PTTG1IP: variants seen among roughly 807,000 people sequenced by gnomAD.
The protein encoded by PTTG1IP is PTTG1 interacting protein.
Under a neutral mutation model 24.4 loss-of-function variants are expected in PTTG1IP, and 16 were observed. That is an observed-to-expected ratio of 0.66 (90% confidence interval 0.44 to 1.00). PTTG1IP has a LOEUF of 1.00. PTTG1IP is among the 50% of genes least tolerant of loss of function. The pLI is 0.00. For missense variants in PTTG1IP, 241 were observed against 245.8 expected, an observed-to-expected ratio of 0.98 and a Z score of 0.13; for synonymous variants, 89 against 96.8, an observed-to-expected ratio of 0.92 and a Z score of 0.47.
At position 44,851,214 on chromosome 21, in the gene PTTG1IP, G is replaced by A. The variant is rs1045242370; in HGVS notation, c.*367C>T. 2.0e-5 allele frequency: 20 copies of A among 978,364 alleles called. No individual in the cohort carries two copies. Among genetic ancestry groups the A allele is most frequent in the Non-Finnish European group, 2.8e-5 (19 of 687,220 alleles). 60.6% of individuals were successfully genotyped at this position (978,364 alleles called of 1,614,324 possible). On this transcript the variant is annotated 3_prime_UTR_variant, in exon 6 of 6. Transcript: ENST00000330938. Reference sequence around the variant, plus strand: ...TGTGTTGCGTGTGAAGCTTGTTAGTGGACAGAGAGAAACGCAGGGTTCTGC... The same window carrying A: ...TGTGTTGCGTGTGAAGCTTGTTAGTAGACAGAGAGAAACGCAGGGTTCTGC...
At chr21:44,865,151 T>A (rs1048449142) in intron 2 of PTTG1IP, among the ~76,000 whole-genome samples, 1 of 152,210 alleles carries the variant, frequency 6.6e-6, no homozygotes, top group Non-Finnish European at 1.5e-5. Flanking sequence ...GCTGGCCCCA[T>A]CTGCATAGGA....
intron 3 of PTTG1IP, among the ~76,000 whole-genome samples, chr21:44,860,008 G>A (rs1372567653): frequency 1.3e-5 from 2 of 152,182 alleles, no homozygotes; most frequent in African/African-American, 4.8e-5. Context: ...AAGCCTAAAA[G>A]ATTAATAAAT....
At chr21:44,855,471 C>T (rs1192063210) in intron 4 of PTTG1IP, among the ~76,000 whole-genome samples, 2 of 152,174 alleles carry the variant, frequency 1.3e-5, no homozygotes, top group Non-Finnish European at 2.9e-5. Flanking sequence ...TCTTCAAAGG[C>T]CGTTCCAATG....
intron 2 of PTTG1IP, among the ~76,000 whole-genome samples, chr21:44,863,025 T>C (rs1459671424): frequency 6.6e-6 from 1 of 150,918 alleles, no homozygotes; most frequent in Non-Finnish European, 1.5e-5. Flanking sequence ...GATGAAGTAA[T>C]ATGCACATAG....
intron 3 of PTTG1IP, among the ~76,000 whole-genome samples, chr21:44,856,865 G>A (rs186641247): frequency 2.5e-4 from 38 of 152,138 alleles, no homozygotes; most frequent in African/African-American, 8.7e-4. Flanking sequence ...ACATACTGGC[G>A]GCCAGGTTCG....
chr21:44,853,507 C>CAAAAA (rs35396285), intron 5 of PTTG1IP, among the ~76,000 whole-genome samples: 3 of 94,820 alleles, frequency 3.2e-5, no homozygotes, highest in Non-Finnish European at 4.3e-5. Flanking sequence ...GACTCCGTCT[C>CAAAAA]AAAAAAAAAA....
chr21:44,869,799 C>G (rs1446630577), intron 1 of PTTG1IP, among the ~76,000 whole-genome samples: 1 of 152,174 alleles, frequency 6.6e-6, no homozygotes, highest in East Asian at 1.9e-4. Flanking sequence ...AGGGTATGCC[C>G]AACACACCCA....
chr21:44,870,430 G>A (rs1447154308), intron 1 of PTTG1IP, among the ~76,000 whole-genome samples: 1 of 147,114 alleles, frequency 6.8e-6, no homozygotes, highest in East Asian at 2.0e-4. Flanking sequence ...AATCCCTGAG[G>A]CAGGAGAATC....
At chr21:44,862,171 G>A (rs1250157290) in intron 2 of PTTG1IP, among the ~76,000 whole-genome samples, 2 of 152,232 alleles carry the variant, frequency 1.3e-5, no homozygotes, top group East Asian at 3.9e-4. Flanking sequence ...GCCAGGCACT[G>A]AGCGTGACAG....
At chr21:44,853,059 C>T (rs903560053) in intron 5 of PTTG1IP, among the ~76,000 whole-genome samples, 2 of 152,252 alleles carry the variant, frequency 1.3e-5, no homozygotes, top group South Asian at 4.1e-4. Context: ...AGAGCCTGGC[C>T]GGCCACCCAC....
intron 1 of PTTG1IP, among the ~76,000 whole-genome samples, chr21:44,870,544 A>AG (rs1355766107): frequency 0.057 from 8,401 of 146,612 alleles, 868 homozygotes; most frequent in African/African-American, 0.2. Flanking sequence ...AAAAAAAAAA[A>AG]AAAAGAAAGG....
chr21:44,861,329 C>A, intron 2 of PTTG1IP, 58 bp from the exon 3 acceptor site: 2 of 1,443,428 alleles, frequency 1.4e-6, no homozygotes, highest in South Asian at 1.2e-5. Context: ...AAAGAACTGT[C>A]CAGGCTCTGC....
rs554282359 is a variant in PTTG1IP, at chr21:44,865,529, C to T, written c.116-82G>A. ...TAGTCCAGCAGGGCAGGGTGGGCAC[C>T]AGTGAGGGGTGTGGCACCAAGAACC... On this transcript the variant is annotated intron_variant, in intron 1 of 5. Transcript: ENST00000330938. 1.7e-3 allele frequency: 2,438 copies of T among 1,410,910 alleles called. 5 individuals carry two copies. Among genetic ancestry groups the T allele is most frequent in the Non-Finnish European group, 2.2e-3 (2,183 of 1,001,062 alleles). 87.4% of individuals were successfully genotyped at this position (1,410,910 alleles called of 1,614,324 possible).
intron 2 of PTTG1IP, 86 bp from the exon 3 acceptor site, chr21:44,861,357 T>A: frequency 1.7e-6 from 2 of 1,144,334 alleles, no homozygotes; most frequent in Non-Finnish European, 2.5e-6. Context: ...CCGCCAGTGC[T>A]GCCATCGCTC....
At chr21:44,866,691 A>G (rs929313829) in intron 1 of PTTG1IP, among the ~76,000 whole-genome samples, 1 of 151,850 alleles carries the variant, frequency 6.6e-6, no homozygotes, top group African/African-American at 2.4e-5. Context: ...ACACACACAC[A>G]CACACACACA....
chr21:44,857,899 G>A (rs942094312), intron 3 of PTTG1IP, among the ~76,000 whole-genome samples: 8 of 152,256 alleles, frequency 5.3e-5, no homozygotes, highest in Non-Finnish European at 1.0e-4. Flanking sequence ...GAGAACTACA[G>A]AGGGGACCTT....
At chr21:44,856,058 T>C in intron 4 of PTTG1IP, 135 bp downstream of exon 4, 1 of 1,543,726 alleles carries the variant, frequency 6.5e-7, no homozygotes, top group Non-Finnish European at 8.8e-7. Flanking sequence ...ACCTAGAAGA[T>C]CCCCTGGGCA....
intron 5 of PTTG1IP, among the ~76,000 whole-genome samples, chr21:44,854,805 C>T: frequency 6.6e-6 from 1 of 152,154 alleles, no homozygotes; most frequent in Middle Eastern, 3.2e-3. Flanking sequence ...GGAAGGAGCG[C>T]CTGCCACACT....
At position 44,868,584 on chromosome 21, in the gene PTTG1IP, G is replaced by A. The variant is rs114743755; in HGVS notation, c.116-3137C>T. On this transcript the variant is annotated intron_variant, in intron 1 of 5. Coordinates refer to ENST00000330938, the MANE Select transcript of PTTG1IP (RefSeq NM_004339.4). The stretch of plus-strand genomic sequence containing the variant: ...GAGGACCCAGAAGCCAGCCTGGAGG[G>A]AGTCTTTCTGGCCATATCTGGGCCA... 4.6e-3 allele frequency among the ~76,000 whole-genome samples: 696 copies of A among 152,278 alleles called. 5 individuals carry two copies. Among genetic ancestry groups the A allele is most frequent in the African/African-American group, 0.016 (665 of 41,544 alleles).
Sources: gnomAD v4.1 joint callset for allele counts (sites outside exome capture counted in the v4.1 genomes callset) on GRCh38, gnomAD v4.1.1 for gene constraint, MANE v1.5 for transcripts, NCBI Gene and HGNC (gene_info 2026-07-23, HGNC 2026-07-21) for gene names.